HYCC1: variants seen among roughly 807,000 people sequenced by gnomAD.
HYCC1 encodes the protein hyccin PI4KA lipid kinase complex subunit 1.
At chr7:22,990,948 C>T in the HYCC1 span, 2 of 719,872 alleles carry the variant, frequency 2.8e-6, no homozygotes, top group South Asian at 1.6e-5. Context: ...ATAGAAAATA[C>T]TTCCACAGAT....
At chr7:23,013,992 G>A in the HYCC1 span, 1 of 471,114 alleles carries the variant, frequency 2.1e-6, no homozygotes, top group South Asian at 1.5e-5. Context: ...AGCGACGGAG[G>A]CTGCTCTGCT....
At chr7:23,013,798 C>CA in the HYCC1 span, 2 of 375,312 alleles carry the variant, frequency 5.3e-6, no homozygotes, top group African/African-American at 4.2e-5. Flanking sequence ...AGTGGAGCCG[C>CA]GGCCCCAGGG....
the HYCC1 span, chr7:22,940,253 T>TTTG: frequency 4.7e-5 from 6 of 128,616 alleles, no homozygotes; most frequent in Non-Finnish European, 8.1e-5. Flanking sequence ...TTTTTTTTTT[T>TTTG]TTTTTTTTTT....
the HYCC1 span, chr7:22,978,330 G>A: frequency 6.2e-7 from 1 of 1,614,044 alleles, no homozygotes; most frequent in Non-Finnish European, 8.5e-7. Flanking sequence ...ATTTCTGCTG[G>A]CTGAGACTGC....
chr7:22,946,156 T>C, the HYCC1 span: 2 of 1,611,502 alleles, frequency 1.2e-6, no homozygotes, highest in Non-Finnish European at 1.7e-6. Context: ...CTGTTAATTC[T>C]GTATTTCCTA....
chr7:22,922,196 A>G, the HYCC1 span, among the ~76,000 whole-genome samples: 25 of 152,102 alleles, frequency 1.6e-4, no homozygotes, highest in Non-Finnish European at 2.9e-4. Context: ...AATAATATTT[A>G]TTACTAATAA....
the HYCC1 span, among the ~76,000 whole-genome samples, chr7:22,958,380 C>T: frequency 6.6e-6 from 1 of 152,068 alleles, no homozygotes; most frequent in African/African-American, 2.4e-5. Context: ...GTATTCTGTA[C>T]CTGTTCCATG....
At chr7:22,998,496 T>C in the HYCC1 span, among the ~76,000 whole-genome samples, 460 of 152,302 alleles carry the variant, frequency 3.0e-3, 3 homozygotes, top group African/African-American at 1.0e-2. Flanking sequence ...ATAAAAATTA[T>C]ATAACATAAT....
chr7:22,917,753 T>C, the HYCC1 span, among the ~76,000 whole-genome samples: 1 of 152,248 alleles, frequency 6.6e-6, no homozygotes, highest in Admixed American at 6.5e-5. Context: ...TGGCTCCTGG[T>C]TTTACCTCAA....
the HYCC1 span, among the ~76,000 whole-genome samples, chr7:22,928,263 T>C: frequency 6.6e-6 from 1 of 152,246 alleles, no homozygotes; most frequent in Non-Finnish European, 1.5e-5. Flanking sequence ...GCATTTCCTT[T>C]GAAAACTGGC....
At chr7:22,899,564 G>A in the HYCC1 span, among the ~76,000 whole-genome samples, 1 of 152,168 alleles carries the variant, frequency 6.6e-6, no homozygotes, top group African/African-American at 2.4e-5. Flanking sequence ...ATGAGTAGCT[G>A]TACCCTCCTA....
the HYCC1 span, among the ~76,000 whole-genome samples, chr7:22,921,333 C>G: frequency 2.0e-5 from 3 of 151,932 alleles, no homozygotes; most frequent in Non-Finnish European, 4.4e-5. Flanking sequence ...GAAAATAATA[C>G]CAGATGGTAA....
chr7:22,958,242 G>A, the HYCC1 span, among the ~76,000 whole-genome samples: 1 of 151,986 alleles, frequency 6.6e-6, no homozygotes, highest in Non-Finnish European at 1.5e-5. Flanking sequence ...GGAAAGCCAA[G>A]ACTACCCTAA....
the HYCC1 span, among the ~76,000 whole-genome samples, chr7:22,987,401 A>G: frequency 7.3e-3 from 1,118 of 152,294 alleles, 15 homozygotes; most frequent in Non-Finnish European, 0.012. Context: ...TACAAAAATT[A>G]GCTGGGCATG....
the HYCC1 span, among the ~76,000 whole-genome samples, chr7:22,969,537 T>C: frequency 3.3e-5 from 5 of 151,416 alleles, no homozygotes; most frequent in Admixed American, 2.6e-4. Context: ...TTTTTTTTTT[T>C]TGAGATGGAA....
chr7:22,960,200 T>C, the HYCC1 span: 4 of 1,545,896 alleles, frequency 2.6e-6, no homozygotes, highest in Non-Finnish European at 3.6e-6. Context: ...ATAAGTACAG[T>C]GAAAAATGTA....
At chr7:22,940,307 A>G in the HYCC1 span, 2 of 135,462 alleles carry the variant, frequency 1.5e-5, no homozygotes, top group Non-Finnish European at 3.0e-5. Flanking sequence ...GCTGGAGTAC[A>G]GTGGCATGAT....
At chr7:22,938,247 G>A in the HYCC1 span, 2 of 152,114 alleles carry the variant, frequency 1.3e-5, no homozygotes, top group Non-Finnish European at 2.9e-5. Context: ...TGCTCACCTG[G>A]GCAAACAGCT....
the HYCC1 span, among the ~76,000 whole-genome samples, chr7:22,949,201 A>G: frequency 0.66 from 99,589 of 151,878 alleles, 33,000 homozygotes; most frequent in South Asian, 0.73. Context: ...GCTTTCTTGA[A>G]AGTGTTCACA....
Sources: gnomAD v4.1 joint callset for allele counts (sites outside exome capture counted in the v4.1 genomes callset) on GRCh38, gnomAD v4.1.1 for gene constraint, MANE v1.5 for transcripts, NCBI Gene and HGNC (gene_info 2026-07-23, HGNC 2026-07-21) for gene names.